EYA1: variants seen among roughly 807,000 people sequenced by gnomAD.
The protein encoded by EYA1 is EYA transcriptional coactivator and phosphatase 1, also known as protein phosphatase EYA1.
EYA1 carries 16 observed loss-of-function variants against 82.0 expected under a neutral mutation model. The observed-to-expected ratio is 0.20, with a 90% CI of 0.13 to 0.30. The LOEUF is 0.30. Among genes scored for constraint, EYA1 ranks in the 10% least tolerant of loss-of-function variants. EYA1 has a pLI of 1.00. For missense variants in EYA1, 633 were observed against 730.7 expected (o/e 0.87, Z 1.54); for synonymous variants, 261 against 264.4 (o/e 0.99, Z 0.12).
At chr8:71,332,951 C>T (rs1824059112) in intron 4 of EYA1, among the ~76,000 whole-genome samples, 1 of 152,170 alleles carries the variant, frequency 6.6e-6, no homozygotes, top group Non-Finnish European at 1.5e-5. Context: ...GCATCCACTC[C>T]AAGACACCTT....
chr8:71,405,362 A>C (rs145035462), intron 2 of EYA1, among the ~76,000 whole-genome samples: 141 of 152,140 alleles, frequency 9.3e-4, no homozygotes, highest in African/African-American at 3.3e-3. Flanking sequence ...GGGATAATTA[A>C]CTCTTAACCA....
chr8:71,522,520 G>A (rs1813478206), intron 2 of EYA1, among the ~76,000 whole-genome samples: 1 of 151,912 alleles, frequency 6.6e-6, no homozygotes. Flanking sequence ...AAAATCAGCT[G>A]ATTTAATCTC....
intron 9 of EYA1, among the ~76,000 whole-genome samples, chr8:71,290,811 G>A (rs988304454): frequency 5.9e-5 from 9 of 151,836 alleles, no homozygotes; most frequent in African/African-American, 2.2e-4. Context: ...AAAAAAGAAA[G>A]AAAGAAAGAA....
rs759255995 is a variant in EYA1 at position 71,215,743 on chromosome 8, G to A, written c.1361-15C>T. On this transcript the variant is annotated splice_polypyrimidine_tract_variant and intron_variant, in intron 14 of 17. Coordinates refer to ENST00000340726, the MANE Select transcript of EYA1 (RefSeq NM_000503.6). ...ACCAAGCAGACCTGAGGATTTAAAAGCACATGATGAACTACTTCCTGACCA... is the reference window on the plus strand; with the variant it reads ...ACCAAGCAGACCTGAGGATTTAAAAACACATGATGAACTACTTCCTGACCA... 3 of 1,557,282 alleles carry A rather than the reference G, an allele frequency of 1.9e-6. No individual in the cohort carries two copies. Among genetic ancestry groups the A allele is most frequent in the Non-Finnish European group, 2.7e-6 (3 of 1,128,246 alleles).
chr8:71,412,469 A>T (rs1586667264), intron 2 of EYA1, among the ~76,000 whole-genome samples: 1 of 152,134 alleles, frequency 6.6e-6, no homozygotes, highest in African/African-American at 2.4e-5. Context: ...ATGCAATAAT[A>T]GTATGATAAC....
At chr8:71,526,422 G>A (rs1813820666) in intron 2 of EYA1, among the ~76,000 whole-genome samples, 1 of 152,160 alleles carries the variant, frequency 6.6e-6, no homozygotes, top group South Asian at 2.1e-4. Context: ...CTATCATGGT[G>A]TAACAGATTT....
At chr8:71,268,267 T>C (rs757804775) in intron 11 of EYA1, among the ~76,000 whole-genome samples, 75 of 152,324 alleles carry the variant, frequency 4.9e-4, no homozygotes, top group Admixed American at 2.3e-3. Flanking sequence ...GCCTACTCTT[T>C]TCAACACTCT....
intron 2 of EYA1, among the ~76,000 whole-genome samples, chr8:71,524,148 T>G (rs1250537295): frequency 6.6e-6 from 1 of 152,224 alleles, no homozygotes; most frequent in Non-Finnish European, 1.5e-5. Context: ...AATGCAGGCA[T>G]ACTAACCAAA....
intron 2 of EYA1, among the ~76,000 whole-genome samples, chr8:71,521,793 C>T (rs1350060940): frequency 3.3e-5 from 5 of 152,200 alleles, no homozygotes; most frequent in East Asian, 3.9e-4. Flanking sequence ...CAAGGCTGCA[C>T]GTTTTCAAAG....
intron 9 of EYA1, among the ~76,000 whole-genome samples, chr8:71,292,183 T>C (rs754734673): frequency 6.6e-6 from 1 of 152,128 alleles, no homozygotes; most frequent in Non-Finnish European, 1.5e-5. Flanking sequence ...AGATTAGTAG[T>C]AATATGACTT....
chr8:71,485,428 T>C (rs1317548235), intron 2 of EYA1, among the ~76,000 whole-genome samples: 1 of 152,202 alleles, frequency 6.6e-6, no homozygotes, highest in Admixed American at 6.5e-5. Context: ...AAGGAGGCAA[T>C]GGAGAAGAAT....
At chr8:71,467,317 G>A (rs1259042213) in intron 2 of EYA1, among the ~76,000 whole-genome samples, 1 of 152,082 alleles carries the variant, frequency 6.6e-6, no homozygotes, top group East Asian at 1.9e-4. Context: ...AATGGATCGG[G>A]CATTGGAGTC....
chr8:71,224,079 C>G (rs1810277725), intron 12 of EYA1, among the ~76,000 whole-genome samples: 1 of 152,168 alleles, frequency 6.6e-6, no homozygotes, highest in African/African-American at 2.4e-5. Context: ...ACTAGAAACA[C>G]AAACTCAGAG....
chr8:71,220,700 AGTG>A (rs1270626296), intron 12 of EYA1, among the ~76,000 whole-genome samples: 1 of 152,232 alleles, frequency 6.6e-6, no homozygotes, highest in Non-Finnish European at 1.5e-5. Context: ...TATGCTGGAT[AGTG>A]GTAAGTGCTA....
In EYA1 at chr8:71,463,623, CTCTCTCTCT is replaced by C. The variant is rs1563640175; in HGVS notation, c.33+72112_33+72120del. On this transcript the variant is annotated intron_variant, in intron 2 of 18. Coordinates refer to the EYA1 transcript ENST00000643681. Reference sequence around the variant, plus strand: ...TCTCTCTCTCTCTCTCTCTCTCTCTCTCTCTCTCTCCCTCCCTCCCCCCTCCCACACACA... The same window carrying C: ...TCTCTCTCTCTCTCTCTCTCTCTCTCCCCTCCCTCCCCCCTCCCACACACA... 3.7e-3 allele frequency among the ~76,000 whole-genome samples: 415 copies of C among 113,112 alleles called. 35 individuals carry two copies. Among genetic ancestry groups the C allele is most frequent in the East Asian group, 0.019 (52 of 2,802 alleles). 74.2% of individuals were successfully genotyped at this position (113,112 alleles called of 152,430 possible).
intron 2 of EYA1, among the ~76,000 whole-genome samples, chr8:71,426,303 C>T (rs1250283189): frequency 2.6e-5 from 4 of 152,140 alleles, no homozygotes; most frequent in Non-Finnish European, 5.9e-5. Flanking sequence ...GTGAAGTACC[C>T]TGGAATTGTA....
intron 2 of EYA1, among the ~76,000 whole-genome samples, chr8:71,532,645 G>A (rs1042035293): frequency 1.3e-5 from 2 of 152,126 alleles, no homozygotes; most frequent in Admixed American, 6.5e-5. Context: ...TCATCTTTCT[G>A]AAAAGATCAA....
At chr8:71,277,969 C>T (rs1817395449) in intron 9 of EYA1, among the ~76,000 whole-genome samples, 1 of 152,124 alleles carries the variant, frequency 6.6e-6, no homozygotes. Flanking sequence ...GTAAATACCA[C>T]AGATTTCCAT....
chr8:71,346,431 A>ATATATAT (rs1825715606), intron 3 of EYA1, among the ~76,000 whole-genome samples: 1 of 105,490 alleles, frequency 9.5e-6, no homozygotes, highest in Admixed American at 1.2e-4. Flanking sequence ...TACTGCAGTG[A>ATATATAT]ATATATATAT....
Sources: allele counts gnomAD v4.1 joint callset (sites outside exome capture counted in the v4.1 genomes callset), GRCh38; gene constraint gnomAD v4.1.1; transcripts MANE v1.5; gene names NCBI Gene and HGNC (gene_info 2026-07-23, HGNC 2026-07-21).